TRAF3: variants seen among roughly 807,000 people sequenced by gnomAD.
TRAF3 encodes TNF receptor associated factor 3, also known as TNF receptor-associated factor 3.
In TRAF3, 13 loss-of-function variants were observed where a neutral mutation model predicts 62.3. That is an observed-to-expected ratio of 0.21 (90% confidence interval 0.14 to 0.33). The LOEUF is 0.33. Among genes scored for constraint, TRAF3 ranks in the 10% least tolerant of loss-of-function variants. The probability of loss-of-function intolerance (pLI) is 1.00; values close to 1 mark genes in which losing one functional copy is unlikely to be tolerated. For missense variants in TRAF3, 440 were observed against 741.8 expected (o/e 0.59, Z 4.73); for synonymous variants, 269 against 283.4 (o/e 0.95, Z 0.51).
Position 102,871,954 on chromosome 14 carries a change from A to G in TRAF3, c.283A>G (p.Ile95Val). 1.9e-6 allele frequency: 3 copies of G among 1,614,230 alleles called. No homozygotes were observed. Among genetic ancestry groups the G allele is most frequent in the Non-Finnish European group, 2.5e-6 (3 of 1,180,028 alleles). ...AAAATGTACAGCGTGTCAAGAGAGC[A>G]TCGTTAAAGATAAGGTATTCTGGGG... The part of the protein sequence containing the change: ...SPKCTACQES[I>V]VKDKVFKDNC... The change falls in exon 4 of 12, where the codon ATC becomes GTC. Residue 95 changes from isoleucine to valine, a missense_variant. By Grantham distance (29) the Ile-to-Val change is conservative (BLOSUM62 3). This residue lies in a region of TRAF3 where 255 missense variants were observed against 424.1 expected (regional missense o/e 0.60). Transcript: ENST00000392745.
chr14:102,881,153 G>A (rs1889032651), intron 6 of TRAF3, among the ~76,000 whole-genome samples: 1 of 152,232 alleles, frequency 6.6e-6, no homozygotes, highest in South Asian at 2.1e-4. Flanking sequence ...GGAGGCCAAA[G>A]CGGGTGGATC....
intron 1 of TRAF3, among the ~76,000 whole-genome samples, chr14:102,790,280 C>A (rs2139407599): frequency 1.3e-5 from 2 of 152,272 alleles, no homozygotes; most frequent in Middle Eastern, 6.8e-3. Flanking sequence ...ACTATTCTTT[C>A]CCTATTGAAT....
intron 6 of TRAF3, among the ~76,000 whole-genome samples, chr14:102,879,132 CAG>C (rs1198168949): frequency 6.6e-6 from 1 of 151,840 alleles, no homozygotes; most frequent in Admixed American, 6.6e-5. Context: ...GAGAGGAGGA[CAG>C]AGCTCGTGGG....
At chr14:102,900,778 G>T (rs951252158) in intron 10 of TRAF3, among the ~76,000 whole-genome samples, 1 of 152,248 alleles carries the variant, frequency 6.6e-6, no homozygotes. Flanking sequence ...GCATGCAAGT[G>T]TATAAGGCTC....
At chr14:102,795,636 T>C (rs979609466) in intron 1 of TRAF3, among the ~76,000 whole-genome samples, 2 of 114,740 alleles carry the variant, frequency 1.7e-5, no homozygotes, top group Non-Finnish European at 4.0e-5. Flanking sequence ...TTTTCATCCA[T>C]TGTTTCTGAC....
intron 1 of TRAF3, among the ~76,000 whole-genome samples, chr14:102,824,704 TTAGC>T (rs2139597556): frequency 6.6e-6 from 1 of 152,358 alleles, no homozygotes; most frequent in South Asian, 2.1e-4. Flanking sequence ...GTTAATGATG[TTAGC>T]TAGTCTGCCT....
At chr14:102,780,741 G>C (rs1050365448) in intron 1 of TRAF3, among the ~76,000 whole-genome samples, 1 of 152,086 alleles carries the variant, frequency 6.6e-6, no homozygotes, top group Non-Finnish European at 1.5e-5. Context: ...CAGTTAATGT[G>C]CCCTGAGTTC....
chr14:102,777,911 C>T (rs1414044336), intron 1 of TRAF3, among the ~76,000 whole-genome samples: 1 of 149,600 alleles, frequency 6.7e-6, no homozygotes, highest in Non-Finnish European at 1.5e-5. Context: ...CTTCGGCAAA[C>T]TTTGTCCCGG....
intron 2 of TRAF3, among the ~76,000 whole-genome samples, chr14:102,868,925 T>C (rs1250337941): frequency 6.6e-6 from 1 of 152,246 alleles, no homozygotes; most frequent in Non-Finnish European, 1.5e-5. Flanking sequence ...AGCTGTTTAC[T>C]TTACCTGTTG....
At chr14:102,880,801 G>A (rs1383813230) in intron 6 of TRAF3, among the ~76,000 whole-genome samples, 1 of 152,208 alleles carries the variant, frequency 6.6e-6, no homozygotes, top group Non-Finnish European at 1.5e-5. Flanking sequence ...AGATTGGCTG[G>A]GCGCCGTGGC....
chr14:102,838,943 A>T (rs966368088), intron 2 of TRAF3, among the ~76,000 whole-genome samples: 1 of 152,210 alleles, frequency 6.6e-6, no homozygotes. Flanking sequence ...TTTTTAATTT[A>T]AAAAACACCT....
At chr14:102,807,241 G>A (rs542988887) in intron 1 of TRAF3, among the ~76,000 whole-genome samples, 6 of 152,104 alleles carry the variant, frequency 3.9e-5, no homozygotes, top group Non-Finnish European at 7.4e-5. Context: ...AAGGTCTTGC[G>A]TCTCCCTGCT....
intron 1 of TRAF3, among the ~76,000 whole-genome samples, chr14:102,828,811 A>C (rs181971109): frequency 6.6e-6 from 1 of 152,188 alleles, no homozygotes; most frequent in African/African-American, 2.4e-5. Flanking sequence ...CTTTGAAGAG[A>C]TCTGCTTTTT....
At position 102,784,215 on chromosome 14, in the gene TRAF3, CTTTTTTTT is replaced by C. The variant is rs76663820; in HGVS notation, c.-157+6560_-157+6567del. On this transcript the variant is annotated intron_variant, in intron 1 of 11. Coordinates refer to ENST00000392745, the MANE Select transcript of TRAF3 (RefSeq NM_145725.3). ...GTTTGCTCCTGGGAAGATGCTTGGC[CTTTTTTTT>C]TTTTTTTTTTTTTTTTTTTGAGGTG... 7.7e-5 allele frequency among the ~76,000 whole-genome samples: 9 copies of C among 117,644 alleles called. No homozygotes were observed. In the East Asian group the frequency reaches 2.0e-3, roughly 27 times the overall value. The allele number at this position is 117,644 out of a possible 152,430, so 77.2% of individuals were successfully genotyped here.
At chr14:102,801,137 G>A (rs1269303492) in intron 1 of TRAF3, among the ~76,000 whole-genome samples, 1 of 152,190 alleles carries the variant, frequency 6.6e-6, no homozygotes, top group Non-Finnish European at 1.5e-5. Context: ...CGGCACTCCC[G>A]CCTGGGCGAC....
At chr14:102,873,448 T>C (rs574300454) in intron 4 of TRAF3, among the ~76,000 whole-genome samples, 1 of 152,262 alleles carries the variant, frequency 6.6e-6, no homozygotes, top group South Asian at 2.1e-4. Flanking sequence ...CGACGATGGC[T>C]GAGATGTTTT....
intron 1 of TRAF3, among the ~76,000 whole-genome samples, chr14:102,807,181 AC>A (rs1167524973): frequency 6.6e-6 from 1 of 150,486 alleles, no homozygotes; most frequent in East Asian, 2.0e-4. Flanking sequence ...TTCCCTGAAA[AC>A]CCTTTACGGC....
In TRAF3 at chr14:102,889,759, G is replaced by A; in HGVS notation, c.726+125G>A. Reference sequence around the variant, plus strand: ...CTTTGTCATGAAACTGAAACACCCTGTTGCATGGGTGACGAAAGCCACATG... The same window carrying A: ...CTTTGTCATGAAACTGAAACACCCTATTGCATGGGTGACGAAAGCCACATG... On this transcript the variant is annotated intron_variant, in intron 8 of 11. Coordinates refer to ENST00000392745, the MANE Select transcript of TRAF3 (RefSeq NM_145725.3). 2.5e-6 allele frequency: 3 copies of A among 1,211,748 alleles called. No individual in the cohort carries two copies. The South Asian group carries it at 3.7e-5, about 15-fold the overall frequency. 75.1% of individuals were successfully genotyped at this position (1,211,748 alleles called of 1,614,324 possible).
intron 2 of TRAF3, among the ~76,000 whole-genome samples, chr14:102,832,956 C>T (rs565355478): frequency 9.2e-5 from 14 of 152,266 alleles, no homozygotes; most frequent in Admixed American, 6.5e-4. Flanking sequence ...ATAGAAAATA[C>T]GTAATTTCTA....
Sources: allele counts gnomAD v4.1 joint callset (sites outside exome capture counted in the v4.1 genomes callset), GRCh38; gene constraint gnomAD v4.1.1; regional missense constraint gnomAD v4.1.1; transcripts MANE v1.5; gene names NCBI Gene and HGNC (gene_info 2026-07-23, HGNC 2026-07-21).